GMDS: variants seen among roughly 807,000 people sequenced by gnomAD.
GMDS encodes GDP-mannose 4,6 dehydratase.
Under a neutral mutation model 49.9 loss-of-function variants are expected in GMDS, and 20 were observed. The observed-to-expected ratio is 0.40, with a 90% CI of 0.28 to 0.58. The LOEUF (loss-of-function observed/expected upper bound fraction) is 0.58. Ranked by LOEUF, GMDS falls within the 20% of genes least tolerant of loss-of-function variation. GMDS has a pLI of 0.42. For missense variants in GMDS, 362 were observed against 481.4 expected (o/e 0.75, Z 2.32); for synonymous variants, 177 against 178.6 (o/e 0.99, Z 0.07).
intron 4 of GMDS, among the ~76,000 whole-genome samples, chr6:2,008,168 C>T (rs767888237): frequency 3.3e-5 from 5 of 152,172 alleles, no homozygotes; most frequent in African/African-American, 4.8e-5. Context: ...AAAATCATAT[C>T]TTTCTCATCA....
intron 9 of GMDS, among the ~76,000 whole-genome samples, chr6:1,645,918 C>T (rs935556456): frequency 2.0e-5 from 3 of 152,232 alleles, no homozygotes; most frequent in African/African-American, 7.2e-5. Context: ...ACTACCCTGT[C>T]GTCTGCCTCC....
chr6:1,794,085 A>G (rs1769646960), intron 7 of GMDS, among the ~76,000 whole-genome samples: 1 of 152,222 alleles, frequency 6.6e-6, no homozygotes, highest in Non-Finnish European at 1.5e-5. Context: ...AAAAGAAACA[A>G]CAAAATATAA....
intron 7 of GMDS, among the ~76,000 whole-genome samples, chr6:1,771,354 C>A (rs1398860710): frequency 6.6e-6 from 1 of 152,196 alleles, no homozygotes; most frequent in Non-Finnish European, 1.5e-5. Context: ...CAGACACACT[C>A]TGGTTTGAAT....
intron 1 of GMDS, among the ~76,000 whole-genome samples, chr6:2,236,441 T>C (rs1781358426): frequency 6.6e-6 from 1 of 152,216 alleles, no homozygotes; most frequent in East Asian, 1.9e-4. Context: ...TCTTTCTCCT[T>C]GACTGGGTTT....
At chr6:1,958,361 T>A (rs1192111385) in intron 6 of GMDS, among the ~76,000 whole-genome samples, 10 of 152,026 alleles carry the variant, frequency 6.6e-5, no homozygotes. Context: ...TGTATGAACA[T>A]GTTTGTGAGA....
At chr6:1,784,491 C>T (rs777225900) in intron 7 of GMDS, among the ~76,000 whole-genome samples, 6 of 151,090 alleles carry the variant, frequency 4.0e-5, no homozygotes, top group Non-Finnish European at 8.8e-5. Flanking sequence ...CTACCCGGGG[C>T]GGGAAGGAGA....
intron 7 of GMDS, among the ~76,000 whole-genome samples, chr6:1,926,664 C>A (rs184903044): frequency 7.4e-4 from 112 of 152,186 alleles, no homozygotes; most frequent in African/African-American, 2.6e-3. Flanking sequence ...ACAAATTTAC[C>A]TTTAGTCATA....
chr6:1,754,467 C>T (rs1029108107), intron 7 of GMDS, among the ~76,000 whole-genome samples: 7 of 152,206 alleles, frequency 4.6e-5, no homozygotes, highest in Admixed American at 4.6e-4. Flanking sequence ...GGAGCTGGTA[C>T]CATTCCTTCT....
At chr6:2,177,966 C>A (rs1778358242) in intron 1 of GMDS, among the ~76,000 whole-genome samples, 1 of 152,102 alleles carries the variant, frequency 6.6e-6, no homozygotes, top group South Asian at 2.1e-4. Context: ...TAAAAAAGAA[C>A]AAAATTGTGT....
At chr6:1,747,848 A>C (rs948983510) in intron 7 of GMDS, among the ~76,000 whole-genome samples, 13 of 152,198 alleles carry the variant, frequency 8.5e-5, no homozygotes, top group African/African-American at 3.1e-4. Flanking sequence ...CCTTATGGCT[A>C]TGTCTATTTT....
intron 7 of GMDS, among the ~76,000 whole-genome samples, chr6:1,803,584 A>G (rs952933824): frequency 2.0e-5 from 3 of 151,866 alleles, no homozygotes; most frequent in Non-Finnish European, 4.4e-5. Flanking sequence ...AAATAAATAA[A>G]TAAATAAATA....
At chr6:2,096,730 C>T (rs1263772838) in intron 4 of GMDS, among the ~76,000 whole-genome samples, 2 of 152,056 alleles carry the variant, frequency 1.3e-5, no homozygotes, top group Non-Finnish European at 2.9e-5. Flanking sequence ...TCAGTGAAAA[C>T]CTATTTGACC....
At chr6:1,792,448 T>C (rs912517819) in intron 7 of GMDS, among the ~76,000 whole-genome samples, 4 of 152,150 alleles carry the variant, frequency 2.6e-5, no homozygotes, top group Admixed American at 2.6e-4. Flanking sequence ...ATACTGATCG[T>C]TTCACCTAGA....
chr6:1,726,098 T>C (rs771215898), intron 9 of GMDS, among the ~76,000 whole-genome samples: 23 of 152,192 alleles, frequency 1.5e-4, no homozygotes, highest in Non-Finnish European at 3.4e-4. Flanking sequence ...AGGCATCCTG[T>C]AGGTTATCAG....
At chr6:1,857,549 C>G (rs1272366611) in intron 7 of GMDS, among the ~76,000 whole-genome samples, 8 of 152,162 alleles carry the variant, frequency 5.3e-5, no homozygotes, top group Admixed American at 5.2e-4. Flanking sequence ...TGCCCTTAAA[C>G]TTATTTTTAT....
intron 1 of GMDS, among the ~76,000 whole-genome samples, chr6:2,198,724 T>C (rs1345386249): frequency 6.6e-6 from 1 of 152,246 alleles, no homozygotes; most frequent in African/African-American, 2.4e-5. Flanking sequence ...GAAACTTCTA[T>C]ACCACATCAG....
At chr6:1,919,437 G>A (rs552264079) in intron 7 of GMDS, among the ~76,000 whole-genome samples, 16 of 152,340 alleles carry the variant, frequency 1.1e-4, no homozygotes, top group African/African-American at 3.8e-4. Context: ...GGCCAACAAT[G>A]TAAAGACAAT....
chr6:1,629,999 C>T (rs760409872), intron 9 of GMDS, among the ~76,000 whole-genome samples: 8 of 152,162 alleles, frequency 5.3e-5, no homozygotes, highest in Non-Finnish European at 1.0e-4. Flanking sequence ...AAAAAAGTTA[C>T]AGGTGTTCAC....
intron 6 of GMDS, among the ~76,000 whole-genome samples, chr6:1,959,507 T>A (rs554028910): frequency 6.6e-6 from 1 of 152,350 alleles, no homozygotes; most frequent in African/African-American, 2.4e-5. Flanking sequence ...ATTGAGTCTA[T>A]TTGAATAGGA....
Sources: allele counts gnomAD v4.1 joint callset (sites outside exome capture counted in the v4.1 genomes callset), GRCh38; gene constraint gnomAD v4.1.1; transcripts MANE v1.5; gene names NCBI Gene and HGNC (gene_info 2026-07-23, HGNC 2026-07-21).